CLEC12B: variants seen among roughly 807,000 people sequenced by gnomAD.
CLEC12B encodes the protein macrophage antigen h.
CLEC12B carries 25 observed loss-of-function variants against 36.1 expected under a neutral mutation model. The observed-to-expected ratio is 0.69, with a 90% CI of 0.50 to 0.97. The LOEUF is 0.97. CLEC12B is among the 50% of genes least tolerant of loss of function. The pLI is 0.00. For synonymous variants in CLEC12B, 110 were observed against 108.5 expected (o/e 1.01, Z -0.09); for missense variants, 325 against 318.4 (o/e 1.02, Z -0.16).
chr12:10,010,191 GTCTC>G (rs761413491), upstream of CLEC12B, among the ~76,000 whole-genome samples: 593 of 105,330 alleles, frequency 5.6e-3, 5 homozygotes, highest in African/African-American at 0.019. Flanking sequence ...GTCTCTCTCT[GTCTC>G]TCTCTCACAC....
rs1409692534 is a variant in CLEC12B, at chr12:10,014,637, T to C, written c.305T>C (p.Leu102Ser). ...LSQQLGNSNN[L>S]SMEEEFLKSQ... Reference sequence around the variant, plus strand: ...CAGCAACTGGGCAACTCCAACAACTTGTCCATGGAGGAGGAATTTCTCAAG... The same window carrying C: ...CAGCAACTGGGCAACTCCAACAACTCGTCCATGGAGGAGGAATTTCTCAAG... Residue 102 changes from leucine to serine, a missense_variant, in exon 3 of 6, where the codon TTG becomes TCG. Physicochemically the swap from Leu to Ser is moderately radical, Grantham distance 145. Coordinates refer to ENST00000338896, the MANE Select transcript of CLEC12B (RefSeq NM_001129998.3). 6.2e-7 allele frequency: 1 copy of C among 1,613,552 alleles called. No individual in the cohort carries two copies. The highest frequency in any genetic ancestry group is 1.3e-5 in the African/African-American group (1 of 74,898).
Position 10,015,661 on chromosome 12 carries a change from G to T in CLEC12B, c.614G>T (p.Gly205Val), listed in dbSNP as rs752650812. The change falls in exon 5 of 6, where the codon GGA (glycine) becomes GTA (valine). Residue 205 changes from glycine to valine, a missense_variant. Gly to Val is a moderately radical substitution (Grantham distance 109). Coordinates refer to ENST00000338896, the MANE Select transcript of CLEC12B (RefSeq NM_001129998.3). ...PLLMFSFFWL[G>V]LSWDSSGRSW... ...CTCATGTTTTCGTTCTTTTGGCTGG[G>T]ATTATCATGGGACTCCTCTGGCAGA... 4 of 1,613,622 alleles carry T rather than the reference G, an allele frequency of 2.5e-6. No homozygotes were observed. Among genetic ancestry groups the T allele is most frequent in the African/African-American group, 2.7e-5 (2 of 74,888 alleles).
intron 1 of CLEC12B, among the ~76,000 whole-genome samples, chr12:10,012,516 G>A (rs1173558719): frequency 6.6e-6 from 1 of 152,036 alleles, no homozygotes; most frequent in African/African-American, 2.4e-5. Context: ...TCGTCATTTA[G>A]CATTAGGTAT....
chr12:10,012,752 C>A, intron 1 of CLEC12B, 33 bp from the exon 2 acceptor site: 1 of 1,538,254 alleles, frequency 6.5e-7, no homozygotes, highest in Non-Finnish European at 9.0e-7. Flanking sequence ...CAAAGCAGTT[C>A]TGTGTGCTGA....
intron 2 of CLEC12B, among the ~76,000 whole-genome samples, chr12:10,014,205 TAAAATAAAACA>T (rs1332331215): frequency 2.0e-5 from 3 of 152,056 alleles, no homozygotes; most frequent in Admixed American, 1.3e-4. Flanking sequence ...TATCTCCAAA[TAAAATAAAACA>T]AAAATAAAAC....
upstream of CLEC12B, among the ~76,000 whole-genome samples, chr12:10,010,190 T>A (rs1412367937): frequency 4.7e-5 from 3 of 63,300 alleles, no homozygotes; most frequent in Non-Finnish European, 1.0e-4. Context: ...TGTCTCTCTC[T>A]GTCTCTCTCT....
At position 10,012,803 on chromosome 12, in the gene CLEC12B, C is replaced by T; in HGVS notation, c.110C>T (p.Pro37Leu). Residue 37 changes from proline (P) to leucine (L), a missense_variant, in exon 2 of 6, where the codon CCC (proline) becomes CTC (leucine). By Grantham distance (98) the Pro-to-Leu change is moderately conservative. Coordinates refer to ENST00000338896, the MANE Select transcript of CLEC12B (RefSeq NM_001129998.3). ...TCTCCAGGGCATCCAGCTCCATCTCCCATTTGGCGTCATGCTGCTCTGGGT... is the reference window on the plus strand; with the variant it reads ...TCTCCAGGGCATCCAGCTCCATCTCTCATTTGGCGTCATGCTGCTCTGGGT... ...LRKRGHPAPS[P>L]IWRHAALGLV... 6.2e-7 allele frequency: 1 copy of T among 1,613,542 alleles called. No homozygotes were observed. The highest frequency in any genetic ancestry group is 1.1e-5 in the South Asian group (1 of 91,054).
chr12:10,008,704 T>C (rs758798674), upstream of CLEC12B, among the ~76,000 whole-genome samples: 1 of 152,230 alleles, frequency 6.6e-6, no homozygotes, highest in Non-Finnish European at 1.5e-5. Flanking sequence ...ATAGAAAGTA[T>C]GTGAGAAGTG....
chr12:10,017,577 G>A, intron 5 of CLEC12B: 12 of 985,560 alleles, frequency 1.2e-5, no homozygotes, highest in Non-Finnish European at 1.4e-5. Flanking sequence ...TCAAACACAG[G>A]TTAGAGAGAC....
upstream of CLEC12B, among the ~76,000 whole-genome samples, chr12:10,006,305 C>T (rs547344399): frequency 2.0e-5 from 3 of 152,246 alleles, no homozygotes; most frequent in South Asian, 4.1e-4. Context: ...CATTCAGATA[C>T]GTGGTCCTGT....
At chr12:10,012,155 G>A (rs1443689514) in intron 1 of CLEC12B, among the ~76,000 whole-genome samples, 1 of 152,122 alleles carries the variant, frequency 6.6e-6, no homozygotes, top group Non-Finnish European at 1.5e-5. Context: ...TAAATAGCAT[G>A]AATAATAGAT....
chr12:10,018,531 A>G lies in CLEC12B; in HGVS notation c.*50A>G, dbSNP rs1390744574. ...AAGTAAGAGACTTGTGAGTAAGCTC[A>G]TATGAGGAAAGAGGAAACTACGGTA... On this transcript the variant is annotated 3_prime_UTR_variant, in exon 6 of 6. Transcript: ENST00000338896. The G allele has an allele frequency of 4.7e-6, 7 of 1,475,710 alleles. No homozygotes were observed. In the East Asian group the frequency reaches 1.5e-4, roughly 32 times the overall value. The allele number at this position is 1,475,710 out of a possible 1,614,324, so 91.4% of individuals were successfully genotyped here. A position where few individuals can be genotyped will look rare whatever the true frequency, so the allele number is the denominator to read the frequency against.
chr12:10,006,909 G>A (rs565885674), upstream of CLEC12B, among the ~76,000 whole-genome samples: 47 of 152,054 alleles, frequency 3.1e-4, no homozygotes, highest in African/African-American at 1.0e-3. Context: ...CAAAAAATTA[G>A]CCGGGCGGGG....
intron 5 of CLEC12B, chr12:10,017,469 C>T: frequency 2.0e-6 from 2 of 985,392 alleles, no homozygotes; most frequent in Non-Finnish European, 2.4e-6. Context: ...TCTCTACTCA[C>T]TCTTAATCAA....
intron 2 of CLEC12B, among the ~76,000 whole-genome samples, chr12:10,013,800 A>G (rs1865400359): frequency 6.6e-6 from 1 of 152,176 alleles, no homozygotes. Flanking sequence ...TGCTCTTTTG[A>G]AAAGGAATAT....
chr12:10,012,474 A>G (rs975714520), intron 1 of CLEC12B, among the ~76,000 whole-genome samples: 1 of 152,312 alleles, frequency 6.6e-6, no homozygotes, highest in Middle Eastern at 3.4e-3. Context: ...ATATGTATAC[A>G]TGTGCCATGC....
chr12:10,009,875 C>T (rs1865281886), upstream of CLEC12B, among the ~76,000 whole-genome samples: 1 of 151,998 alleles, frequency 6.6e-6, no homozygotes, highest in Non-Finnish European at 1.5e-5. Context: ...TCCTTAATTT[C>T]GTCCCTCATA....
chr12:10,016,783 AATT>A (rs1442686341), intron 5 of CLEC12B: 1 of 182,512 alleles, frequency 5.5e-6, no homozygotes, highest in African/African-American at 2.4e-5. Flanking sequence ...GGAGCATTCA[AATT>A]ATTATTTTCT....
At chr12:10,011,357 C>T (rs927311001) in intron 1 of CLEC12B, among the ~76,000 whole-genome samples, 3 of 151,850 alleles carry the variant, frequency 2.0e-5, no homozygotes, top group Non-Finnish European at 4.4e-5. Flanking sequence ...AGTTGAAATC[C>T]GAGCATAATT....
Sources: allele counts gnomAD v4.1 joint callset (sites outside exome capture counted in the v4.1 genomes callset), GRCh38; gene constraint gnomAD v4.1.1; transcripts MANE v1.5; gene names NCBI Gene and HGNC (gene_info 2026-07-23, HGNC 2026-07-21).